The following POLR2F variants were observed in gnomAD, a reference collection of about 807,000 sequenced individuals.
POLR2F encodes the protein RNA polymerase II, I and III subunit F.
A neutral mutation model predicts 22.7 loss-of-function variants in POLR2F; 12 were observed. The ratio of observed to expected loss-of-function variants is 0.53; its 90% CI spans 0.34 to 0.86. The LOEUF (loss-of-function observed/expected upper bound fraction) is 0.86, where lower values mean the gene tolerates loss of function less well. POLR2F is among the 40% of genes least tolerant of loss of function. POLR2F has a pLI of 0.02. For synonymous variants in POLR2F, 57 were observed against 66.0 expected (o/e 0.86, Z 0.66); for missense variants, 126 against 171.5 (o/e 0.73, Z 1.48).
At chr22:37,979,770 T>C (rs1932338734) in intron 4 of POLR2F, among the ~76,000 whole-genome samples, 1 of 151,878 alleles carries the variant, frequency 6.6e-6, no homozygotes, top group Admixed American at 6.6e-5. Flanking sequence ...GAGGGCAGGA[T>C]GGGGTACCTT....
At chr22:38,041,244 C>A, downstream of POLR2F, 1 of 1,264,904 alleles carries the variant, frequency 7.9e-7, no homozygotes, top group Non-Finnish European at 1.1e-6. Context: ...GACCAGATGG[C>A]GGGGGCAGGC....
chr22:37,991,262 C>T (rs539273115), intron 1 of POLR2F, among the ~76,000 whole-genome samples: 65 of 152,172 alleles, frequency 4.3e-4, no homozygotes, highest in African/African-American at 1.5e-3. Context: ...ACACTACCGG[C>T]GCATGCCACC....
chr22:38,022,817 A>G (rs2084972329), intron 1 of POLR2F, among the ~76,000 whole-genome samples: 2 of 152,192 alleles, frequency 1.3e-5, no homozygotes, highest in South Asian at 4.2e-4. Flanking sequence ...GTTCAAGACC[A>G]GCCTGGCCAA....
chr22:37,986,929 G>A lies in POLR2F; in HGVS notation c.120+617G>A, dbSNP rs1239867302. 1 of 452,694 alleles carries A rather than the reference G, an allele frequency of 2.2e-6. No homozygotes were observed. Among genetic ancestry groups the A allele is most frequent in the Non-Finnish European group, 4.5e-6 (1 of 224,210 alleles). The allele number at this position is 452,694 out of a possible 1,614,324, so 28.0% of individuals were successfully genotyped here. Reference sequence around the variant, plus strand: ...AGGGATCCTGGCTGAAGACACCTGGGCCTCTGCCCCAGCAGGACAACAGGA... The same window carrying A: ...AGGGATCCTGGCTGAAGACACCTGGACCTCTGCCCCAGCAGGACAACAGGA... On this transcript the variant is annotated intron_variant, in intron 1 of 2. Transcript: ENST00000333418. This position sits in a 1 kb window ranked among gnomAD's most constrained non-coding sequence, Gnocchi z 4.7.
Position 37,999,618 on chromosome 22 carries a change from G to A in POLR2F, c.120+13306G>A, listed in dbSNP as rs151079433. ...TCCCCAGGGCCTCAGGCTGGCCACC[G>A]AGCCGAAATGAGCCTAGACTCTGTG... On this transcript the variant is annotated intron_variant, in intron 1 of 2. Transcript: ENST00000333418. Among the ~76,000 whole-genome samples the A allele has an allele frequency of 2.2e-3, 336 of 152,200 alleles. 2 individuals are homozygous for A. The highest frequency in any genetic ancestry group is 3.1e-3 in the Non-Finnish European group (214 of 68,000).
At chr22:37,982,318 C>T (rs894227012), upstream of POLR2F, among the ~76,000 whole-genome samples, 1 of 152,102 alleles carries the variant, frequency 6.6e-6, no homozygotes, top group Non-Finnish European at 1.5e-5. Context: ...GTCAGTCTAG[C>T]GAGAATCAGG....
At chr22:38,041,154 G>T, downstream of POLR2F, 1 of 1,612,024 alleles carries the variant, frequency 6.2e-7, no homozygotes. Flanking sequence ...CCAGAGCCAG[G>T]CTGGTGACTA....
chr22:37,965,152 T>G (rs1172031946), intron 3 of POLR2F, among the ~76,000 whole-genome samples: 4 of 152,104 alleles, frequency 2.6e-5, no homozygotes, highest in Middle Eastern at 3.4e-3. Flanking sequence ...ACTACAGGCA[T>G]GTGCCACCAC....
At position 37,974,434 on chromosome 22, in the gene POLR2F, C is replaced by T. The variant is rs192999340; in HGVS notation, c.293+7264C>T. Among the ~76,000 whole-genome samples, 424 of 150,588 alleles carry T rather than the reference C, an allele frequency of 2.8e-3. 1 individual carries two copies. Among genetic ancestry groups the T allele is most frequent in the Admixed American group, 7.8e-3 (118 of 15,124 alleles). On this transcript the variant is annotated intron_variant, in intron 4 of 4. Transcript: ENST00000405557. This position sits in a 1 kb window ranked among gnomAD's most constrained non-coding sequence, Gnocchi z 5.4. ...GTGGCGCCATCTCGGCTCACTGCAACCTCTGCCTCCTGGGTTCAAATGATT... is the reference window on the plus strand; with the variant it reads ...GTGGCGCCATCTCGGCTCACTGCAATCTCTGCCTCCTGGGTTCAAATGATT...
At chr22:38,023,120 C>T (rs1261848096) in intron 1 of POLR2F, among the ~76,000 whole-genome samples, 2 of 152,182 alleles carry the variant, frequency 1.3e-5, no homozygotes, top group African/African-American at 4.8e-5. Context: ...GTGTCCCAGC[C>T]GTCTCTGAAG....
intron 5 of POLR2F, among the ~76,000 whole-genome samples, chr22:38,033,514 G>A (rs1456401078): frequency 3.3e-5 from 5 of 152,212 alleles, no homozygotes; most frequent in African/African-American, 1.2e-4. Flanking sequence ...CCAGCTGCTG[G>A]GAACTCCAGG....
Position 37,978,197 on chromosome 22 carries a change from C to T in POLR2F, c.293+11027C>T. On this transcript the variant is annotated intron_variant, in intron 4 of 4. Coordinates refer to the POLR2F transcript ENST00000405557. This position sits in a 1 kb window ranked among gnomAD's most constrained non-coding sequence, Gnocchi z 5.0. ...GGCTGGCGTGAATGCCAGAGCACTCCAGGTTGGCCTCCCTCTGAGTGTCCA... is the reference window on the plus strand; with the variant it reads ...GGCTGGCGTGAATGCCAGAGCACTCTAGGTTGGCCTCCCTCTGAGTGTCCA... The T allele has an allele frequency of 6.9e-7, 1 of 1,449,166 alleles. No individual in the cohort carries two copies. Among genetic ancestry groups the T allele is most frequent in the Non-Finnish European group, 9.1e-7 (1 of 1,099,244 alleles). The allele number at this position is 1,449,166 out of a possible 1,614,324, so 89.8% of individuals were successfully genotyped here.
chr22:37,965,295 C>T (rs577960096), intron 3 of POLR2F, among the ~76,000 whole-genome samples: 15 of 152,374 alleles, frequency 9.8e-5, no homozygotes, highest in Admixed American at 3.3e-4. Flanking sequence ...GCGTGAGCCA[C>T]TGCACCTGGC....
chr22:38,036,061 C>T (rs1221298661), intron 5 of POLR2F, among the ~76,000 whole-genome samples: 2 of 151,698 alleles, frequency 1.3e-5, no homozygotes, highest in East Asian at 1.9e-4. Context: ...ATGCAACCTC[C>T]GCCTCCCGGG....
At chr22:37,964,306 T>C (rs192506179) in intron 3 of POLR2F, among the ~76,000 whole-genome samples, 2 of 151,256 alleles carry the variant, frequency 1.3e-5, no homozygotes, top group East Asian at 3.9e-4. Flanking sequence ...GTAAAGAGAG[T>C]TGGTTTTGTG....
At chr22:37,965,792 C>A (rs577597534) in intron 3 of POLR2F, among the ~76,000 whole-genome samples, 1 of 152,174 alleles carries the variant, frequency 6.6e-6, no homozygotes, top group East Asian at 1.9e-4. Context: ...GCTCTCAGGC[C>A]GCTTCACTAG....
In POLR2F at chr22:37,953,722, A is replaced by G; in HGVS notation, c.-66A>G. ...ATAAGCTAGGAGCCGCGCGAGTCGT[A>G]GTGTCGCTGTTTGCGGGTCTCCGCG... On this transcript the variant is annotated 5_prime_UTR_variant, in exon 1 of 5. Coordinates refer to ENST00000442738, the MANE Select transcript of POLR2F (RefSeq NM_021974.5). The G allele has an allele frequency of 1.3e-6, 2 of 1,570,060 alleles. No homozygotes were observed. Among genetic ancestry groups the G allele is most frequent in the Non-Finnish European group, 1.7e-6 (2 of 1,158,826 alleles).
In POLR2F at chr22:38,017,093, G is replaced by A. The variant is rs1228940739; in HGVS notation, c.121-8776G>A. 1.3e-5 allele frequency among the ~76,000 whole-genome samples: 2 copies of A among 152,190 alleles called. No homozygotes were observed. Among genetic ancestry groups the A allele is most frequent in the African/African-American group, 2.4e-5 (1 of 41,454 alleles). On this transcript the variant is annotated intron_variant, in intron 1 of 2. Transcript: ENST00000333418. This position sits in a 1 kb window ranked among gnomAD's most constrained non-coding sequence, Gnocchi z 4.1. ...GGCAGCTGTGGGGCCGTGCCTGAGC[G>A]GGGCACGTGCCAGGGTCTGGGGTCT...
At chr22:38,027,241 A>G (rs2085021494), downstream of POLR2F, among the ~76,000 whole-genome samples, 1 of 152,186 alleles carries the variant, frequency 6.6e-6, no homozygotes, top group Admixed American at 6.5e-5. Context: ...TGCAGGCCTC[A>G]GAGTGCTCCC....
Sources: gnomAD v4.1 joint callset for allele counts (sites outside exome capture counted in the v4.1 genomes callset) on GRCh38, gnomAD v4.1.1 for gene constraint, Gnocchi (gnomAD v3.1) non-coding constraint, MANE v1.5 for transcripts, NCBI Gene and HGNC (gene_info 2026-07-23, HGNC 2026-07-21) for gene names.